Variants in GSN observed in about 807,000 individuals in gnomAD.
The protein encoded by GSN is actin-depolymerizing factor.
GSN carries 56 observed loss-of-function variants against 85.7 expected under a neutral mutation model. The ratio of observed to expected loss-of-function variants is 0.65; its 90% confidence interval spans 0.53 to 0.82. GSN has a LOEUF of 0.82. Among genes scored for constraint, GSN ranks in the 40% least tolerant of loss-of-function variants. The probability of loss-of-function intolerance (pLI) is 0.00; values close to 1 mark genes in which losing one functional copy is unlikely to be tolerated. For missense variants in GSN, 857 were observed against 979.8 expected, an observed-to-expected ratio of 0.87 and a Z score of 1.67; for synonymous variants, 373 against 399.1, an observed-to-expected ratio of 0.93 and a Z score of 0.78.
chr9:121,292,877 C>T (rs770945969), intron 2 of GSN, among the ~76,000 whole-genome samples: 4 of 152,152 alleles, frequency 2.6e-5, no homozygotes, highest in South Asian at 2.1e-4. Flanking sequence ...AGTGCCTTTG[C>T]GGGGCATGGT....
At chr9:121,314,086 T>C in intron 7 of GSN, 63 bp downstream of exon 7, 1 of 1,257,604 alleles carries the variant, frequency 8.0e-7, no homozygotes, top group Non-Finnish European at 1.2e-6. Context: ...GAAGACTTGG[T>C]CTTCCCCACT....
chr9:121,239,600 G>A, intron 5 of GSN: 2 of 275,052 alleles, frequency 7.3e-6, no homozygotes, highest in South Asian at 7.8e-5. Context: ...TACCAACTAT[G>A]GCTGAAATGC....
upstream of GSN, among the ~76,000 whole-genome samples, chr9:121,204,458 G>A (rs1163263577): frequency 1.3e-5 from 2 of 152,220 alleles, no homozygotes; most frequent in African/African-American, 4.8e-5. Flanking sequence ...TCTTGTGGAT[G>A]CAGAGTGCCT....
Position 121,329,249 on chromosome 9 carries a change from T to A in GSN, c.1899T>A (p.Val633=). 6.2e-7 allele frequency: 1 copy of A among 1,611,222 alleles called. No individual in the cohort carries two copies. The highest frequency in any genetic ancestry group is 8.5e-7 in the Non-Finnish European group (1 of 1,177,430). The change falls in exon 16 of 18, where the codon GTT becomes GTA. Residue 633 remains valine (V), a synonymous_variant. Coordinates refer to ENST00000432226, the MANE Select transcript of GSN (RefSeq NM_198252.3). This position sits in a 1 kb window ranked among gnomAD's most constrained non-coding sequence, Gnocchi z 4.6. ...TCGTTCCTTCCCAGATCGAAGAGGT[T>A]CCTGGTGAGCTCATGCAGGAAGACC... ...NKIGRFVIEE[V]PGELMQEDLA...
chr9:121,205,507 G>T (rs960347234), upstream of GSN, among the ~76,000 whole-genome samples: 3 of 152,162 alleles, frequency 2.0e-5, no homozygotes, highest in Admixed American at 2.0e-4. Flanking sequence ...GCACTGGAGG[G>T]GCTTTGGATG....
In GSN at chr9:121,332,305, G is replaced by A. The variant is rs2064019065; in HGVS notation, c.2027-129G>A. ...AAGGAGGATGGTGCCCAGGGCAGGG[G>A]GTGGGCAGTAGGGACAGTAGGACCA... On this transcript the variant is annotated intron_variant, in intron 17 of 17. Coordinates refer to ENST00000432226, the MANE Select transcript of GSN (RefSeq NM_198252.3). This position sits in a 1 kb window ranked among gnomAD's most constrained non-coding sequence, Gnocchi z 4.8. The A allele has an allele frequency of 1.2e-6, 1 of 860,630 alleles. No homozygotes were observed. Among genetic ancestry groups the A allele is most frequent in the Non-Finnish European group, 2.0e-6 (1 of 500,508 alleles). The allele number at this position is 860,630 out of a possible 1,614,324, so 53.3% of individuals were successfully genotyped here.
chr9:121,320,006 A>G (rs1282394769), intron 10 of GSN, among the ~76,000 whole-genome samples: 1 of 152,064 alleles, frequency 6.6e-6, no homozygotes, highest in Non-Finnish European at 1.5e-5. Context: ...GGCTAGGGAG[A>G]ATGCAATGAA....
intron 4 of GSN, among the ~76,000 whole-genome samples, chr9:121,212,327 G>T (rs1451919384): frequency 2.0e-5 from 3 of 152,124 alleles, no homozygotes; most frequent in Non-Finnish European, 2.9e-5. Context: ...ATCTCTCTGG[G>T]CCTCAGTTTC....
chr9:121,230,676 A>C (rs193157054), intron 4 of GSN, among the ~76,000 whole-genome samples: 5 of 152,232 alleles, frequency 3.3e-5, no homozygotes, highest in Admixed American at 3.3e-4. Context: ...AATCATACCC[A>C]CCTCATAGTT....
At chr9:121,279,150 C>T (rs545880781) in intron 1 of GSN, among the ~76,000 whole-genome samples, 36 of 152,242 alleles carry the variant, frequency 2.4e-4, no homozygotes, top group African/African-American at 7.7e-4. Flanking sequence ...GGAGACTACA[C>T]GGAGGACTCA....
At chr9:121,296,620 G>A (rs373129014) in intron 2 of GSN, among the ~76,000 whole-genome samples, 91 of 152,260 alleles carry the variant, frequency 6.0e-4, no homozygotes, top group African/African-American at 2.1e-3. Context: ...CTTGCCCAAG[G>A]TCACCAGGAA....
chr9:121,217,721 A>G (rs1464195360), intron 4 of GSN, among the ~76,000 whole-genome samples: 4 of 151,700 alleles, frequency 2.6e-5, no homozygotes, highest in Admixed American at 6.6e-5. Context: ...GAGTGGCACA[A>G]TTCAGCCCAC....
chr9:121,202,909 G>A (rs1274606815), upstream of GSN, among the ~76,000 whole-genome samples: 1 of 152,118 alleles, frequency 6.6e-6, no homozygotes, highest in Non-Finnish European at 1.5e-5. Flanking sequence ...GGCGGATCAC[G>A]AGGTCAGGAG....
At chr9:121,314,935 C>T (rs2061545316) in intron 7 of GSN, among the ~76,000 whole-genome samples, 1 of 152,224 alleles carries the variant, frequency 6.6e-6, no homozygotes, top group Non-Finnish European at 1.5e-5. Context: ...AATCACAGCT[C>T]ACTGCAACCT....
At chr9:121,323,096 G>A (rs1360626483) in intron 11 of GSN, among the ~76,000 whole-genome samples, 1 of 152,132 alleles carries the variant, frequency 6.6e-6, no homozygotes, top group African/African-American at 2.4e-5. Flanking sequence ...CTCCCAAAGT[G>A]TTGGGATTAT....
At position 121,318,924 on chromosome 9, in the gene GSN, A is replaced by C. The variant is rs1212438732; in HGVS notation, c.1191+44A>C. ...GTGGGTGTGTCCAGGCCCCTCCCTC[A>C]CTTTCCCCATGCACTGCCTCTTGCT... On this transcript the variant is annotated intron_variant, in intron 10 of 17. Transcript: ENST00000432226. The surrounding 1 kb of genome is among the most constrained non-coding windows in gnomAD (Gnocchi z 4.3). 6.8e-7 allele frequency: 1 copy of C among 1,460,120 alleles called. No homozygotes were observed. 90.4% of individuals were successfully genotyped at this position (1,460,120 alleles called of 1,614,324 possible). A position where few individuals can be genotyped will look rare whatever the true frequency, so the allele number is the denominator to read the frequency against.
rs1589247494 is a variant in GSN, at chr9:121,329,261, C to T, written c.1911C>T (p.Leu637=). Residue 637 remains leucine (L), a synonymous_variant, in exon 16 of 18, where the codon CTC becomes CTT. Transcript: ENST00000432226. This position sits in a 1 kb window ranked among gnomAD's most constrained non-coding sequence, Gnocchi z 4.6. ...RFVIEEVPGE[L]MQEDLATDDV... ...AGATCGAAGAGGTTCCTGGTGAGCT[C>T]ATGCAGGAAGACCTGGCAACGGATG... 1 of 1,611,936 alleles carries T rather than the reference C, an allele frequency of 6.2e-7. No individual in the cohort carries two copies. The highest frequency in any genetic ancestry group is 8.5e-7 in the Non-Finnish European group (1 of 1,178,026).
At chr9:121,245,686 C>T (rs1380132266) in intron 5 of GSN, among the ~76,000 whole-genome samples, 2 of 152,158 alleles carry the variant, frequency 1.3e-5, no homozygotes, top group African/African-American at 2.4e-5. Flanking sequence ...AAACAATATA[C>T]ATCTCCTAGC....
intron 5 of GSN, chr9:121,239,070 G>T: frequency 2.5e-6 from 1 of 396,204 alleles, no homozygotes; most frequent in Non-Finnish European, 5.0e-6. Context: ...TGGCAGGCAT[G>T]GTAAGAGTAG....
Sources: gnomAD v4.1 joint callset for allele counts (sites outside exome capture counted in the v4.1 genomes callset) on GRCh38, gnomAD v4.1.1 for gene constraint, Gnocchi (gnomAD v3.1) non-coding constraint, MANE v1.5 for transcripts, NCBI Gene and HGNC (gene_info 2026-07-23, HGNC 2026-07-21) for gene names.